KIAA1217: variants seen among roughly 807,000 people sequenced by gnomAD.
The protein encoded by KIAA1217 is KIAA1217.
In KIAA1217, 88 loss-of-function variants were observed where a neutral mutation model predicts 163.9. The observed-to-expected ratio is 0.54, with a 90% CI of 0.45 to 0.64. The LOEUF (loss-of-function observed/expected upper bound fraction) is 0.64. KIAA1217 is among the 30% of genes least tolerant of loss of function. KIAA1217 has a pLI of 0.00. For synonymous variants in KIAA1217, 903 were observed against 923.1 expected (o/e 0.98, Z 0.39); for missense variants, 2,372 against 2,475.0 (o/e 0.96, Z 0.88).
intron 1 of KIAA1217, among the ~76,000 whole-genome samples, chr10:23,766,436 A>T (rs181811272): frequency 5.9e-5 from 9 of 152,296 alleles, no homozygotes; most frequent in Admixed American, 2.6e-4. Flanking sequence ...ATGTTAACTG[A>T]ATGTTCATTT....
Position 24,473,706 on chromosome 10 carries a change from C to A in KIAA1217, c.1325C>A (p.Ala442Glu). The A allele has an allele frequency of 6.2e-7, 1 of 1,614,004 alleles. No homozygotes were observed. Among genetic ancestry groups the A allele is most frequent in the African/African-American group, 1.3e-5 (1 of 75,000 alleles). ...GCTTATTGTAACCCCTCAATGCAAG[C>A]GGAAATGCATATGGAACAATCACTG... The part of the protein sequence containing the change: ...ASAYCNPSMQ[A>E]EMHMEQSLYR... Residue 442 changes from alanine to glutamate, a missense_variant, in exon 6 of 21, where the codon GCG becomes GAG. Transcript: ENST00000376454.
chr10:24,134,802 C>T (rs2063776119), intron 2 of KIAA1217, among the ~76,000 whole-genome samples: 1 of 152,130 alleles, frequency 6.6e-6, no homozygotes, highest in Non-Finnish European at 1.5e-5. Context: ...ATCTCGAACT[C>T]CTAACCTCAA....
intron 1 of KIAA1217, among the ~76,000 whole-genome samples, chr10:23,754,895 G>T (rs76566746): frequency 0.013 from 2,009 of 149,118 alleles, 45 homozygotes; most frequent in African/African-American, 0.047. Flanking sequence ...TGAGCTTCAA[G>T]AAGTGGTATT....
intron 1 of KIAA1217, among the ~76,000 whole-genome samples, chr10:23,804,633 G>C (rs1836649454): frequency 1.3e-5 from 2 of 152,136 alleles, no homozygotes; most frequent in South Asian, 4.1e-4. Flanking sequence ...TTTCAGTGCT[G>C]TGCTGGAGAT....
chr10:24,287,595 T>G (rs559659731), intron 2 of KIAA1217, among the ~76,000 whole-genome samples: 1 of 152,360 alleles, frequency 6.6e-6, no homozygotes, highest in African/African-American at 2.4e-5. Flanking sequence ...CAGTCTCAAC[T>G]CTATCACTTC....
chr10:24,391,333 C>CTTTTTTTTTTTTTTTT (rs768727392), intron 3 of KIAA1217, among the ~76,000 whole-genome samples: 2 of 29,890 alleles, frequency 6.7e-5, no homozygotes, highest in African/African-American at 2.6e-4. Context: ...TTCTTTCTTT[C>CTTTTTTTTTTTTTTTT]TTTTTTTTTT....
chr10:24,401,211 C>A (rs1312209505), intron 3 of KIAA1217, among the ~76,000 whole-genome samples: 1 of 150,662 alleles, frequency 6.6e-6, no homozygotes, highest in Non-Finnish European at 1.5e-5. Flanking sequence ...ATATTTTTAT[C>A]CAGCAAAATT....
intron 2 of KIAA1217, among the ~76,000 whole-genome samples, chr10:24,064,949 C>T (rs905310672): frequency 1.3e-5 from 2 of 152,192 alleles, no homozygotes; most frequent in Non-Finnish European, 2.9e-5. Flanking sequence ...ATAGTATTCT[C>T]TGATGGTAGT....
intron 1 of KIAA1217, among the ~76,000 whole-genome samples, chr10:23,852,604 G>A (rs1380329417): frequency 6.6e-6 from 1 of 152,182 alleles, no homozygotes; most frequent in Non-Finnish European, 1.5e-5. Context: ...ATTACCTTGG[G>A]CCGTATGGCC....
chr10:23,727,861 T>C (rs1467983283), intron 1 of KIAA1217, among the ~76,000 whole-genome samples: 2 of 152,158 alleles, frequency 1.3e-5, no homozygotes, highest in Non-Finnish European at 2.9e-5. Flanking sequence ...TGTGTTCTCA[T>C]TGTTGAACTC....
chr10:24,268,632 A>G (rs1430816637), intron 2 of KIAA1217, among the ~76,000 whole-genome samples: 2 of 91,356 alleles, frequency 2.2e-5, no homozygotes, highest in African/African-American at 9.8e-5. Flanking sequence ...TAGTTCAACC[A>G]TTGTGGAAGT....
At chr10:23,981,546 G>T (rs1564584252) in intron 1 of KIAA1217, among the ~76,000 whole-genome samples, 1 of 152,176 alleles carries the variant, frequency 6.6e-6, no homozygotes, top group South Asian at 2.1e-4. Context: ...TTCAGAGCAG[G>T]TAATAATAAG....
At chr10:24,156,161 A>G (rs997194316) in intron 2 of KIAA1217, among the ~76,000 whole-genome samples, 2 of 152,188 alleles carry the variant, frequency 1.3e-5, no homozygotes, top group Non-Finnish European at 2.9e-5. Context: ...CAGGCCATCA[A>G]CTGATCTCTG....
chr10:23,817,880 A>G (rs1351088578), intron 1 of KIAA1217, among the ~76,000 whole-genome samples: 1 of 148,572 alleles, frequency 6.7e-6, no homozygotes, highest in East Asian at 2.0e-4. Flanking sequence ...GCTTGAGGCC[A>G]GGGGTTCAAG....
In KIAA1217 at chr10:23,821,045, G is replaced by A. The variant is rs576432852; in HGVS notation, c.-321+125811G>A. Among the ~76,000 whole-genome samples, 44 of 152,042 alleles carry A rather than the reference G, an allele frequency of 2.9e-4. No individual in the cohort carries two copies. In the East Asian group the frequency reaches 7.9e-3, roughly 27 times the overall value. On this transcript the variant is annotated intron_variant, in intron 1 of 18. Transcript: ENST00000376462. The stretch of plus-strand genomic sequence containing the variant: ...CTGACTTGTGAAAATTAAGTCAGCC[G>A]TGTCTTTCCACTAATAAAGTATCTT...
intron 2 of KIAA1217, among the ~76,000 whole-genome samples, chr10:24,283,499 T>G (rs894293317): frequency 6.6e-6 from 1 of 152,046 alleles, no homozygotes; most frequent in Non-Finnish European, 1.5e-5. Flanking sequence ...AAATCCCATG[T>G]CTACTAAAAA....
chr10:23,851,984 G>GTT (rs199591351), intron 1 of KIAA1217, among the ~76,000 whole-genome samples: 1 of 151,138 alleles, frequency 6.6e-6, no homozygotes, highest in Admixed American at 6.6e-5. Flanking sequence ...TCCGATGGTA[G>GTT]TTTTTTTTTG....
intron 1 of KIAA1217, among the ~76,000 whole-genome samples, chr10:23,792,147 G>GAC (rs960399178): frequency 3.3e-5 from 5 of 152,196 alleles, no homozygotes; most frequent in Non-Finnish European, 7.3e-5. Flanking sequence ...TGCAAGCCAG[G>GAC]ACACTGGAGG....
chr10:24,191,311 C>T (rs1057238039), intron 2 of KIAA1217, among the ~76,000 whole-genome samples: 2 of 152,126 alleles, frequency 1.3e-5, no homozygotes, highest in East Asian at 1.9e-4. Flanking sequence ...GAATAAGAAA[C>T]ATTTAACAGG....
Sources: allele counts gnomAD v4.1 joint callset (sites outside exome capture counted in the v4.1 genomes callset), GRCh38; gene constraint gnomAD v4.1.1; transcripts MANE v1.5; gene names NCBI Gene and HGNC (gene_info 2026-07-23, HGNC 2026-07-21).